The following LINGO1 variants were observed in gnomAD, a reference collection of about 807,000 sequenced individuals.
LINGO1 encodes the protein leucine-rich repeat and immunoglobulin-like domain-containing nogo receptor-interacting protein 1.
In LINGO1, 11 loss-of-function variants were observed where a neutral mutation model predicts 37.3. That is an observed-to-expected ratio of 0.29 (90% CI 0.19 to 0.49). The LOEUF is 0.49. Ranked by LOEUF, LINGO1 falls within the 20% of genes least tolerant of loss-of-function variation. The pLI is 0.99. For missense variants in LINGO1, 585 were observed against 878.2 expected (o/e 0.67, Z 4.22); for synonymous variants, 387 against 403.0 (o/e 0.96, Z 0.48).
intron 2 of LINGO1, among the ~76,000 whole-genome samples, chr15:77,726,637 C>T (rs904327385): frequency 6.6e-6 from 1 of 152,162 alleles, no homozygotes; most frequent in African/African-American, 2.4e-5. Flanking sequence ...GAAACTATAC[C>T]ACTCCTAAAA....
At chr15:77,813,884 C>T (rs576495941) in intron 1 of LINGO1, among the ~76,000 whole-genome samples, 9 of 152,308 alleles carry the variant, frequency 5.9e-5, no homozygotes, top group African/African-American at 2.2e-4. Context: ...GGGCCCAGCG[C>T]CCTCCCCACC....
At chr15:77,691,919 C>T (rs34464560) in intron 1 of LINGO1, among the ~76,000 whole-genome samples, 12,211 of 152,266 alleles carry the variant, frequency 0.08, 593 homozygotes, top group Middle Eastern at 0.13. Context: ...CCCCCACCCA[C>T]GCTGCGGCAT....
In LINGO1 at chr15:77,632,652, C is replaced by G. The variant is rs562981992; in HGVS notation, c.-337G>C. The stretch of plus-strand genomic sequence containing the variant: ...CGGCCCGGAGCCGCCGCCGCCGCCT[C>G]TGCCGCTGGGGCCGGGGTCGAGGCC... On this transcript the variant is annotated 5_prime_UTR_variant, in exon 1 of 2. Coordinates refer to ENST00000355300, the MANE Select transcript of LINGO1 (RefSeq NM_032808.7). This position sits in a 1 kb window ranked among gnomAD's most constrained non-coding sequence, Gnocchi z 6.0. 0.037 allele frequency among the ~76,000 whole-genome samples: 5,330 copies of G among 145,928 alleles called. 340 individuals are homozygous for G. The highest frequency in any genetic ancestry group is 0.12 in the African/African-American group (4,980 of 40,792).
At chr15:77,647,997 C>T (rs1159879919) in intron 3 of LINGO1, 1 of 450,446 alleles carries the variant, frequency 2.2e-6, no homozygotes, top group Non-Finnish European at 4.5e-6. Flanking sequence ...TTCTTTCCTC[C>T]CTCTCTCTGG....
chr15:77,733,609 G>C (rs2076174724), intron 2 of LINGO1, among the ~76,000 whole-genome samples: 1 of 152,172 alleles, frequency 6.6e-6, no homozygotes, highest in South Asian at 2.1e-4. Context: ...TCGCGACCGA[G>C]GCCTCAGGAA....
chr15:77,658,813 TG>T (rs1430426332), intron 3 of LINGO1, among the ~76,000 whole-genome samples: 2 of 152,258 alleles, frequency 1.3e-5, no homozygotes, highest in East Asian at 3.9e-4. Context: ...TGTGAAGATC[TG>T]GGGGGCAACA....
rs552906105 is a variant in LINGO1 at position 77,682,435 on chromosome 15, C to T, written c.-98-5261G>A. Among the ~76,000 whole-genome samples, 61 of 152,122 alleles carry T rather than the reference C, an allele frequency of 4.0e-4. No individual in the cohort carries two copies. The South Asian group carries it at 0.01, about 26-fold the overall frequency. On this transcript the variant is annotated intron_variant, in intron 2 of 3. Coordinates refer to the LINGO1 transcript ENST00000559893. ...TTCCAAGCATGTACATATGTGTGCA[C>T]GTATGTGTTCCTATGTCCATGTGTC...
At chr15:77,793,673 G>A (rs537847915) in intron 2 of LINGO1, among the ~76,000 whole-genome samples, 1 of 152,262 alleles carries the variant, frequency 6.6e-6, no homozygotes, top group East Asian at 1.9e-4. Flanking sequence ...AACGCACTAT[G>A]GTACACGCAG....
intron 1 of LINGO1, among the ~76,000 whole-genome samples, chr15:77,618,465 C>G (rs1238267153): frequency 6.7e-6 from 1 of 150,094 alleles, no homozygotes; most frequent in Non-Finnish European, 1.5e-5. Flanking sequence ...AGGCCACCTC[C>G]TCCAGGAGGC....
At chr15:77,707,267 G>T (rs1249932277) in intron 2 of LINGO1, 1 of 152,234 alleles carries the variant, frequency 6.6e-6, no homozygotes, top group Non-Finnish European at 1.5e-5. Flanking sequence ...CCCACATTAG[G>T]CAGAGAGGAG....
chr15:77,744,920 G>A (rs1274080042), intron 1 of LINGO1, among the ~76,000 whole-genome samples: 2 of 149,716 alleles, frequency 1.3e-5, no homozygotes, highest in East Asian at 2.0e-4. Flanking sequence ...ATTTGAGACC[G>A]GCCTGGCCAA....
chr15:77,743,442 C>A lies in LINGO1; in HGVS notation c.-256-8389G>T, dbSNP rs4551996. 7.4e-3 allele frequency among the ~76,000 whole-genome samples: 1,124 copies of A among 152,260 alleles called. 18 individuals are homozygous for A. Among genetic ancestry groups the A allele is most frequent in the African/African-American group, 0.026 (1,074 of 41,528 alleles). ...TGAGGGGACAGCATCAGAGCCCAGGCTTCCTGGCCTCAGGCCTGTGCCCTG... is the reference window on the plus strand; with the variant it reads ...TGAGGGGACAGCATCAGAGCCCAGGATTCCTGGCCTCAGGCCTGTGCCCTG... On this transcript the variant is annotated intron_variant, in intron 1 of 3. Coordinates refer to the LINGO1 transcript ENST00000561686.
chr15:77,709,754 T>C (rs1023209743), intron 2 of LINGO1, among the ~76,000 whole-genome samples: 6 of 152,192 alleles, frequency 3.9e-5, no homozygotes, highest in Non-Finnish European at 7.3e-5. Context: ...TTCTCAGACA[T>C]GACTTGGCTT....
At chr15:77,682,701 C>T (rs1015573947) in intron 2 of LINGO1, among the ~76,000 whole-genome samples, 2 of 152,072 alleles carry the variant, frequency 1.3e-5, no homozygotes, top group African/African-American at 4.8e-5. Flanking sequence ...GCACAAAGGT[C>T]TCAGCTGCTT....
At chr15:77,723,805 C>CA (rs931567486) in intron 2 of LINGO1, among the ~76,000 whole-genome samples, 1 of 152,038 alleles carries the variant, frequency 6.6e-6, no homozygotes, top group Non-Finnish European at 1.5e-5. Flanking sequence ...TGGGGGGCAT[C>CA]AGGGGAAAGT....
In LINGO1 at chr15:77,632,263, G is replaced by C. The variant is rs1310997656; in HGVS notation, c.6+47C>G. ...CCGATGGCGGCCCCCAGGGGCACTC[G>C]CCGCGGGGCTGCCCGCTCGGGGCTC... On this transcript the variant is annotated intron_variant, in intron 1 of 1. Transcript: ENST00000355300. The surrounding 1 kb of genome is among the most constrained non-coding windows in gnomAD (Gnocchi z 6.0). 1.3e-5 allele frequency: 18 copies of C among 1,349,896 alleles called. No individual in the cohort carries two copies. The East Asian group carries it at 5.6e-4, about 42-fold the overall frequency. 83.6% of individuals were successfully genotyped at this position (1,349,896 alleles called of 1,614,324 possible).
intron 2 of LINGO1, among the ~76,000 whole-genome samples, chr15:77,725,468 TA>T (rs1272202609): frequency 2.0e-5 from 3 of 152,044 alleles, no homozygotes; most frequent in Non-Finnish European, 2.9e-5. Context: ...GAGGCTGAGG[TA>T]GGGGGATCAC....
intron 2 of LINGO1, among the ~76,000 whole-genome samples, chr15:77,682,541 C>T (rs1567518223): frequency 6.6e-6 from 1 of 152,068 alleles, no homozygotes; most frequent in Non-Finnish European, 1.5e-5. Flanking sequence ...GTGGTGGCAT[C>T]AGTCATGTAG....
At chr15:77,767,202 G>GA (rs1169757828) in intron 1 of LINGO1, among the ~76,000 whole-genome samples, 5 of 152,182 alleles carry the variant, frequency 3.3e-5, no homozygotes, top group African/African-American at 9.7e-5. Flanking sequence ...GAAGCTTCCA[G>GA]AAAATAAAAA....
Sources: allele counts gnomAD v4.1 joint callset (sites outside exome capture counted in the v4.1 genomes callset), GRCh38; gene constraint gnomAD v4.1.1; non-coding constraint Gnocchi (gnomAD v3.1); transcripts MANE v1.5; gene names NCBI Gene and HGNC (gene_info 2026-07-23, HGNC 2026-07-21).